The following EDNRB variants were observed in gnomAD, a reference collection of about 807,000 sequenced individuals.
The protein encoded by EDNRB is Hirschsprung disease 2.
Under a neutral mutation model 46.4 loss-of-function variants are expected in EDNRB, and 18 were observed. The ratio of observed to expected loss-of-function variants is 0.39; its 90% confidence interval spans 0.27 to 0.57. The LOEUF (loss-of-function observed/expected upper bound fraction) is 0.57. EDNRB is among the 20% of genes least tolerant of loss of function. The pLI, the probability that EDNRB is intolerant of heterozygous loss-of-function variation, is 0.61. For missense variants in EDNRB, 434 were observed against 537.5 expected (o/e 0.81, Z 1.90); for synonymous variants, 213 against 204.9 (o/e 1.04, Z -0.34).
At chr13:77,924,119 A>G (rs982733584), upstream of EDNRB, among the ~76,000 whole-genome samples, 1 of 152,238 alleles carries the variant, frequency 6.6e-6, no homozygotes, top group East Asian at 1.9e-4. Context: ...TGAACAATTT[A>G]ACTTTCAGGC....
chr13:77,959,099 TC>T (rs1881324242), intron 1 of EDNRB, among the ~76,000 whole-genome samples: 1 of 152,216 alleles, frequency 6.6e-6, no homozygotes, highest in Non-Finnish European at 1.5e-5. Context: ...TATTACATTT[TC>T]TCCTATACTC....
chr13:77,926,588 T>A (rs1296685075), intron 1 of EDNRB, among the ~76,000 whole-genome samples: 1 of 152,222 alleles, frequency 6.6e-6, no homozygotes, highest in Non-Finnish European at 1.5e-5. Context: ...ACTATCAGCA[T>A]TTTTGTCAAA....
intron 1 of EDNRB, among the ~76,000 whole-genome samples, chr13:77,956,396 C>T (rs1881241221): frequency 6.6e-6 from 1 of 151,960 alleles, no homozygotes; most frequent in Non-Finnish European, 1.5e-5. Context: ...ATTATTTTTG[C>T]ATCCCATCGC....
At chr13:77,955,527 T>C (rs1881210711) in intron 1 of EDNRB, among the ~76,000 whole-genome samples, 1 of 152,174 alleles carries the variant, frequency 6.6e-6, no homozygotes, top group African/African-American at 2.4e-5. Context: ...TGGTGTCATA[T>C]TCAAGAAATC....
chr13:77,904,269 A>G (rs1383531650), intron 1 of EDNRB, among the ~76,000 whole-genome samples: 3 of 151,968 alleles, frequency 2.0e-5, no homozygotes, highest in Admixed American at 6.6e-5. Context: ...CATCTTTTCA[A>G]CATGACTTAC....
chr13:77,917,195 G>A (rs1879852007), intron 1 of EDNRB, among the ~76,000 whole-genome samples: 1 of 152,158 alleles, frequency 6.6e-6, no homozygotes, highest in African/African-American at 2.4e-5. Context: ...GACAGATTGG[G>A]TCTGATCCCC....
At chr13:77,924,156 A>G (rs920710306), upstream of EDNRB, among the ~76,000 whole-genome samples, 1 of 152,258 alleles carries the variant, frequency 6.6e-6, no homozygotes, top group African/African-American at 2.4e-5. Flanking sequence ...CTTTTGTCAA[A>G]GCGAGGGATC....
chr13:77,944,489 G>C (rs1880845629), intron 1 of EDNRB, among the ~76,000 whole-genome samples: 1 of 151,668 alleles, frequency 6.6e-6, no homozygotes, highest in African/African-American at 2.4e-5. Context: ...CCATGTATAG[G>C]CATCATGTAT....
At chr13:77,929,683 C>T (rs1483590396) in intron 1 of EDNRB, among the ~76,000 whole-genome samples, 1 of 152,116 alleles carries the variant, frequency 6.6e-6, no homozygotes, top group East Asian at 1.9e-4. Context: ...GGTCAAGAAA[C>T]AGGAAAGAAT....
chr13:77,919,577 CG>C (rs753686908), upstream of EDNRB: 3 of 1,611,844 alleles, frequency 1.9e-6, no homozygotes, highest in East Asian at 6.7e-5. Flanking sequence ...ACCGTTTGCT[CG>C]GGGTCTCTGC....
In EDNRB at chr13:77,903,596, C is replaced by G; in HGVS notation, c.495G>C (p.Glu165Asp). Residue 165 changes from glutamate to aspartate, a missense_variant, in exon 2 of 7, where the codon GAG (glutamate) becomes GAC (aspartate). By Grantham distance (45) the Glu-to-Asp change is conservative. Coordinates refer to ENST00000646607, the MANE Select transcript of EDNRB (RefSeq NM_001122659.3). ...IPINVYKLLAEDWPFGAEMCK... is the reference protein window; with the variant it reads ...IPINVYKLLADDWPFGAEMCK... The stretch of plus-strand genomic sequence containing the variant: ...ACATCTCAGCTCCAAATGGCCAGTC[C>G]TCTGCCAGCAGCTGCATTGAGAAGA... The G allele has an allele frequency of 6.2e-7, 1 of 1,612,626 alleles. No homozygotes were observed. Among genetic ancestry groups the G allele is most frequent in the Non-Finnish European group, 8.5e-7 (1 of 1,179,124 alleles).
At chr13:77,903,047 C>G in intron 3 of EDNRB, 109 bp downstream of exon 3, 1 of 1,196,182 alleles carries the variant, frequency 8.4e-7, no homozygotes, top group Non-Finnish European at 1.2e-6. Flanking sequence ...TAATTTATGC[C>G]AAGGACAGTC....
In EDNRB at chr13:77,903,487, G is replaced by T; in HGVS notation, c.596+8C>A. 6.2e-7 allele frequency: 1 copy of T among 1,611,942 alleles called. No individual in the cohort carries two copies. On this transcript the variant is annotated splice_region_variant and intron_variant, in intron 2 of 6. Transcript: ENST00000646607. The stretch of plus-strand genomic sequence containing the variant: ...CAGAATATACTTGGATTAAATAGAA[G>T]CTTCTACCTGTCAATACTCAGAGCA...
chr13:77,925,813 C>T (rs61963143), intron 1 of EDNRB, among the ~76,000 whole-genome samples: 5,198 of 152,196 alleles, frequency 0.034, 143 homozygotes, highest in Non-Finnish European at 0.049. Context: ...GTAGATTTAC[C>T]GACATCTTGC....
intron 1 of EDNRB, among the ~76,000 whole-genome samples, chr13:77,909,261 A>T (rs760460607): frequency 6.6e-6 from 1 of 152,104 alleles, no homozygotes; most frequent in African/African-American, 2.4e-5. Flanking sequence ...CTATTACATT[A>T]TAAAGTCATT....
At chr13:77,907,048 T>C (rs960827747) in intron 1 of EDNRB, among the ~76,000 whole-genome samples, 2 of 152,026 alleles carry the variant, frequency 1.3e-5, no homozygotes, top group African/African-American at 4.8e-5. Flanking sequence ...TATAGCTATG[T>C]GTCAAATAAT....
intron 1 of EDNRB, among the ~76,000 whole-genome samples, chr13:77,947,997 G>A (rs955775279): frequency 6.6e-6 from 1 of 152,054 alleles, no homozygotes; most frequent in African/African-American, 2.4e-5. Context: ...AGAAGGGAGT[G>A]GGTAATTATT....
intron 1 of EDNRB, among the ~76,000 whole-genome samples, chr13:77,937,869 T>C (rs970601229): frequency 7.2e-5 from 11 of 152,056 alleles, no homozygotes; most frequent in African/African-American, 2.7e-4. Flanking sequence ...AGATTTGGGA[T>C]GAGCTGCATC....
chr13:77,964,718 G>A (rs1434841783), intron 1 of EDNRB, among the ~76,000 whole-genome samples: 4 of 152,056 alleles, frequency 2.6e-5, no homozygotes, highest in Admixed American at 6.6e-5. Context: ...CACGGCACAT[G>A]TATACATATG....
Sources: gnomAD v4.1 joint callset for allele counts (sites outside exome capture counted in the v4.1 genomes callset) on GRCh38, gnomAD v4.1.1 for gene constraint, MANE v1.5 for transcripts, NCBI Gene and HGNC (gene_info 2026-07-23, HGNC 2026-07-21) for gene names.